The following UBASH3A variants were observed in gnomAD, a reference collection of about 807,000 sequenced individuals.
The protein encoded by UBASH3A is ubiquitin-associated and SH3 domain-containing protein A.
A neutral mutation model predicts 73.5 loss-of-function variants in UBASH3A; 63 were observed. The ratio of observed to expected loss-of-function variants is 0.86; its 90% CI spans 0.70 to 1.06. The LOEUF (loss-of-function observed/expected upper bound fraction) is 1.06. UBASH3A is among the 50% of genes least tolerant of loss of function. The pLI is 0.00. For missense variants in UBASH3A, 860 were observed against 859.0 expected (o/e 1.00, Z -0.02); for synonymous variants, 363 against 351.1 (o/e 1.03, Z -0.38).
chr21:42,425,031 G>A (rs2146547380), intron 7 of UBASH3A, among the ~76,000 whole-genome samples: 1 of 152,340 alleles, frequency 6.6e-6, no homozygotes, highest in East Asian at 1.9e-4. Context: ...GAGGGCATCT[G>A]TGGCTGTCGT....
chr21:42,409,960 C>A (rs1034845606), intron 3 of UBASH3A, among the ~76,000 whole-genome samples: 1 of 152,154 alleles, frequency 6.6e-6, no homozygotes, highest in Admixed American at 6.5e-5. Context: ...CAGACCGAGT[C>A]CCTCAAGGGA....
chr21:42,435,896 G>T (rs1470624337), intron 10 of UBASH3A, among the ~76,000 whole-genome samples: 3 of 150,860 alleles, frequency 2.0e-5, no homozygotes, highest in Non-Finnish European at 4.4e-5. Context: ...GAGTTATAGA[G>T]TTATAGAGTT....
At chr21:42,445,462 G>T (rs2146616553) in intron 14 of UBASH3A, among the ~76,000 whole-genome samples, 1 of 152,330 alleles carries the variant, frequency 6.6e-6, no homozygotes, top group Admixed American at 6.5e-5. Flanking sequence ...CAGCTTGTTT[G>T]CCATAAGTTG....
At chr21:42,429,615 G>C (rs565997744) in intron 8 of UBASH3A, among the ~76,000 whole-genome samples, 34 of 152,248 alleles carry the variant, frequency 2.2e-4, no homozygotes, top group African/African-American at 7.9e-4. Context: ...GCTCTCTACA[G>C]CTCTCTAGGA....
intron 6 of UBASH3A, among the ~76,000 whole-genome samples, chr21:42,417,992 C>T (rs1419118218): frequency 2.7e-5 from 4 of 147,278 alleles, no homozygotes; most frequent in Non-Finnish European, 5.9e-5. Flanking sequence ...AAGTGATTCT[C>T]CTGCCTCAAG....
chr21:42,415,523 T>G (rs1256793535), intron 5 of UBASH3A, among the ~76,000 whole-genome samples: 1 of 152,138 alleles, frequency 6.6e-6, no homozygotes, highest in African/African-American at 2.4e-5. Flanking sequence ...TTGACCTTTT[T>G]TAGGGGGTGA....
intron 11 of UBASH3A, among the ~76,000 whole-genome samples, chr21:42,438,513 G>T (rs559030959): frequency 5.1e-4 from 77 of 152,114 alleles, no homozygotes; most frequent in Non-Finnish European, 9.6e-4. Flanking sequence ...TGCATCAGCC[G>T]GGCTAGGGGG....
chr21:42,439,133 G>T (rs1051078054), intron 11 of UBASH3A, among the ~76,000 whole-genome samples: 2 of 152,154 alleles, frequency 1.3e-5, no homozygotes, highest in African/African-American at 2.4e-5. Context: ...AGCGGACCTG[G>T]TTCCACCCCG....
chr21:42,442,738 G>A, intron 12 of UBASH3A, 142 bp downstream of exon 12: 1 of 884,312 alleles, frequency 1.1e-6, no homozygotes, highest in Non-Finnish European at 1.7e-6. Flanking sequence ...GGAGAGAGGT[G>A]GGGCTCAACT....
intron 3 of UBASH3A, among the ~76,000 whole-genome samples, chr21:42,411,023 G>A (rs184165005): frequency 7.1e-6 from 1 of 140,394 alleles, no homozygotes; most frequent in East Asian, 2.1e-4. Flanking sequence ...GACACACACA[G>A]ACATGGAGAC....
intron 2 of UBASH3A, among the ~76,000 whole-genome samples, chr21:42,408,413 G>T (rs577416001): frequency 6.6e-6 from 1 of 152,218 alleles, no homozygotes; most frequent in African/African-American, 2.4e-5. Context: ...TAAATAGATG[G>T]TTCATGTGCA....
chr21:42,415,769 A>G (rs1024910178), intron 5 of UBASH3A, among the ~76,000 whole-genome samples: 3 of 152,196 alleles, frequency 2.0e-5, no homozygotes, highest in African/African-American at 7.2e-5. Context: ...AACTAGGTCT[A>G]TCTGACACCA....
chr21:42,438,991 C>T lies in UBASH3A; in HGVS notation c.1486+1411C>T, dbSNP rs941279509. Among the ~76,000 whole-genome samples the T allele has an allele frequency of 2.0e-5, 3 of 152,096 alleles. No individual in the cohort carries two copies. In the East Asian group the frequency reaches 5.8e-4, roughly 29 times the overall value. On this transcript the variant is annotated intron_variant, in intron 11 of 14. Transcript: ENST00000319294. ...GGGCCGGGACCTTCACAGGAGGAGC[C>T]GTTGGGACAGCAGTGGATTCAATGC...
At position 42,416,460 on chromosome 21, in the gene UBASH3A, G is replaced by T. The variant is rs1173374338; in HGVS notation, c.686G>T (p.Cys229Phe). Residue 229 changes from cysteine to phenylalanine, a missense_variant, in exon 6 of 15, where the codon TGC (cysteine) becomes TTC (phenylalanine). Coordinates refer to ENST00000319294, the MANE Select transcript of UBASH3A (RefSeq NM_018961.4). Reference sequence around the variant, plus strand: ...TTCACAGACTGCTCCGTGAAGCCTTGCACCAAACAGCTGCATCTGACCTTG... The same window carrying T: ...TTCACAGACTGCTCCGTGAAGCCTTTCACCAAACAGCTGCATCTGACCTTG... The part of the protein sequence containing the change: ...ILQKYCSVKP[C>F]TKQLHLTLAH... The T allele has an allele frequency of 6.3e-7, 1 of 1,592,218 alleles. No homozygotes were observed. The highest frequency in any genetic ancestry group is 8.5e-7 in the Non-Finnish European group (1 of 1,170,454).
chr21:42,426,676 C>T (rs761680507), intron 7 of UBASH3A, 21 bp from the exon 8 acceptor site: 17 of 1,612,370 alleles, frequency 1.1e-5, no homozygotes, highest in African/African-American at 4.0e-5. Context: ...CTGTTCAAGC[C>T]GTGCTTTCCT....
Position 42,409,494 on chromosome 21 carries a change from A to G in UBASH3A, c.240A>G (p.Pro80=). 1.9e-6 allele frequency: 3 copies of G among 1,614,118 alleles called. No individual in the cohort carries two copies. Among genetic ancestry groups the G allele is most frequent in the Non-Finnish European group, 2.5e-6 (3 of 1,180,010 alleles). ...IPQEYALFLC[P]TGPLLEKLQE... is the part of the protein sequence containing the mutation. ...AGGAGTATGCCCTTTTCCTCTGTCC[A>G]ACGGGGCCCCTGCTGGAAAAACTTC... The change falls in exon 3 of 15, where the codon CCA becomes CCG. Residue 80 remains proline, a synonymous_variant. Coordinates refer to ENST00000319294, the MANE Select transcript of UBASH3A (RefSeq NM_018961.4).
rs551584726 is a variant in UBASH3A, at chr21:42,425,244, T to C, written c.1047-1453T>C. On this transcript the variant is annotated intron_variant, in intron 7 of 14. Coordinates refer to ENST00000319294, the MANE Select transcript of UBASH3A (RefSeq NM_018961.4). ...GGAAATGTGAAAATGCTAAGCTCTT[T>C]TCTTTCTCCTTCCGTCACCCATGTT... 2.6e-5 allele frequency among the ~76,000 whole-genome samples: 4 copies of C among 152,376 alleles called. No homozygotes were observed. The South Asian group carries it at 8.3e-4, about 32-fold the overall frequency.
At chr21:42,443,196 G>A (rs1229887397) in intron 12 of UBASH3A, 116 bp from the exon 13 acceptor site, 6 of 1,426,290 alleles carry the variant, frequency 4.2e-6, no homozygotes, top group Non-Finnish European at 5.5e-6. Flanking sequence ...CCATGAGCCT[G>A]CCTTGAGGCA....
rs1467036580 is a variant in UBASH3A at position 42,409,444 on chromosome 21, C to T, written c.190C>T (p.Pro64Ser). 1 of 1,603,908 alleles carries T rather than the reference C, an allele frequency of 6.2e-7. No homozygotes were observed. Among genetic ancestry groups the T allele is most frequent in the Non-Finnish European group, 8.5e-7 (1 of 1,176,412 alleles). ...CAGGCTGCATGATCATTGCAATGAC[C>T]CTTCCCTAGACGACCCCATCCCCCA... ...LAWLHDHCND[P>S]SLDDPIPQEY... The change falls in exon 3 of 15, where the codon CCT becomes TCT. Residue 64 changes from proline (P) to serine (S), a missense_variant. Coordinates refer to ENST00000319294, the MANE Select transcript of UBASH3A (RefSeq NM_018961.4).
Sources: gnomAD v4.1 joint callset for allele counts (sites outside exome capture counted in the v4.1 genomes callset) on GRCh38, gnomAD v4.1.1 for gene constraint, MANE v1.5 for transcripts, NCBI Gene and HGNC (gene_info 2026-07-23, HGNC 2026-07-21) for gene names.